ANTXR1: variants seen among roughly 807,000 people sequenced by gnomAD.
ANTXR1 encodes the protein ANTXR cell adhesion molecule 1, also known as anthrax toxin receptor 1.
ANTXR1 carries 19 observed loss-of-function variants against 78.1 expected under a neutral mutation model. The observed-to-expected ratio is 0.24, with a 90% CI of 0.17 to 0.36. The LOEUF (loss-of-function observed/expected upper bound fraction) is 0.36. Ranked by LOEUF, ANTXR1 falls within the 10% of genes least tolerant of loss-of-function variation. The probability of loss-of-function intolerance (pLI) is 1.00; values close to 1 mark genes in which losing one functional copy is unlikely to be tolerated. For synonymous variants in ANTXR1, 273 were observed against 260.5 expected, an observed-to-expected ratio of 1.05 and a Z score of -0.46; for missense variants, 518 against 718.6, an observed-to-expected ratio of 0.72 and a Z score of 3.19.
chr2:69,030,995 T>C (rs1267405895), intron 1 of ANTXR1, among the ~76,000 whole-genome samples: 1 of 152,214 alleles, frequency 6.6e-6, no homozygotes, highest in African/African-American at 2.4e-5. Flanking sequence ...TAAAATTTTA[T>C]TGTAGTACGG....
At position 69,013,377 on chromosome 2, in the gene ANTXR1, G is replaced by C; in HGVS notation, c.-123G>C. 2 of 1,357,518 alleles carry C rather than the reference G, an allele frequency of 1.5e-6. No homozygotes were observed. The highest frequency in any genetic ancestry group is 2.0e-6 in the Non-Finnish European group (2 of 980,258). 84.1% of individuals were successfully genotyped at this position (1,357,518 alleles called of 1,614,324 possible). ...CAGACAATTGCTTCCGGGGAGTTGC[G>C]AGGGAGCGAGGGGGAATAAAGGACC... On this transcript the variant is annotated 5_prime_UTR_variant, in exon 1 of 18. Transcript: ENST00000303714. The surrounding 1 kb of genome is among the most constrained non-coding windows in gnomAD (Gnocchi z 5.0).
chr2:69,103,012 C>T, intron 10 of ANTXR1, 72 bp downstream of exon 10: 5 of 1,391,526 alleles, frequency 3.6e-6, no homozygotes, highest in East Asian at 2.3e-5. Context: ...CCCTTGTCTT[C>T]CAGCAAGGCC....
intron 12 of ANTXR1, among the ~76,000 whole-genome samples, chr2:69,140,485 G>T (rs887235968): frequency 6.6e-6 from 1 of 152,070 alleles, no homozygotes; most frequent in Non-Finnish European, 1.5e-5. Context: ...GGGGATTAGG[G>T]GAATATCATC....
Position 69,124,624 on chromosome 2 carries a change from T to G in ANTXR1, c.932T>G (p.Ile311Ser). The change falls in exon 12 of 18, where the codon ATC (isoleucine) becomes AGC (serine). Residue 311 changes from isoleucine to serine, a missense_variant. Coordinates refer to ENST00000303714, the MANE Select transcript of ANTXR1 (RefSeq NM_032208.3). Reference sequence around the variant, plus strand: ...CTCTCTTTTATCTCCAGTTCTGTCATCATCACCACCACACACTGTGTAAGT... The same window carrying G: ...CTCTCTTTTATCTCCAGTTCTGTCAGCATCACCACCACACACTGTGTAAGT... Reference protein sequence around the residue: ...DGLSFISSSVIITTTHCSDGS... With the variant: ...DGLSFISSSVSITTTHCSDGS... The G allele has an allele frequency of 6.2e-7, 1 of 1,614,252 alleles. No individual in the cohort carries two copies. Among genetic ancestry groups the G allele is most frequent in the Non-Finnish European group, 8.5e-7 (1 of 1,180,042 alleles).
At chr2:69,076,536 A>G (rs1670737558) in intron 7 of ANTXR1, among the ~76,000 whole-genome samples, 1 of 152,232 alleles carries the variant, frequency 6.6e-6, no homozygotes, top group South Asian at 2.1e-4. Context: ...AAGTGAATAA[A>G]ACAAAATTAC....
chr2:69,103,253 C>CTGGTTTCCTTG, intron 10 of ANTXR1: 1 of 412,530 alleles, frequency 2.4e-6, no homozygotes, highest in Non-Finnish European at 4.6e-6. Context: ...CAGCGGGGCA[C>CTGGTTTCCTTG]TGGTTTCCTT....
chr2:69,161,315 T>C (rs544530539), intron 13 of ANTXR1, among the ~76,000 whole-genome samples: 5 of 152,282 alleles, frequency 3.3e-5, no homozygotes, highest in Non-Finnish European at 5.9e-5. Flanking sequence ...CAGTGATGAA[T>C]TGGGCCTTTT....
Position 69,073,133 on chromosome 2 carries a change from T to C in ANTXR1, c.492+32T>C, listed in dbSNP as rs772943487. 1.3e-4 allele frequency: 213 copies of C among 1,603,724 alleles called. 4 individuals carry two copies. The Admixed American group carries it at 3.3e-3, about 25-fold the overall frequency. On this transcript the variant is annotated intron_variant, in intron 6 of 17. Transcript: ENST00000303714. ...AACGGCCTGGCTGTGTCTAAACATA[T>C]ACATGGAACGGGGCTTCTCCTTTCT...
At chr2:69,024,938 C>T (rs1206181763) in intron 1 of ANTXR1, among the ~76,000 whole-genome samples, 1 of 152,162 alleles carries the variant, frequency 6.6e-6, no homozygotes, top group Non-Finnish European at 1.5e-5. Context: ...TTAGACATTT[C>T]CGAAGCTCTT....
chr2:69,103,562 A>C (rs575852466), intron 10 of ANTXR1: 49 of 158,396 alleles, frequency 3.1e-4, no homozygotes, highest in African/African-American at 1.1e-3. Flanking sequence ...AACTAAGTGC[A>C]TTTCATGAGA....
At chr2:69,225,569 G>A (rs1675425617) in intron 17 of ANTXR1, among the ~76,000 whole-genome samples, 1 of 152,176 alleles carries the variant, frequency 6.6e-6, no homozygotes, top group Non-Finnish European at 1.5e-5. Flanking sequence ...GTAGGAAGAA[G>A]ACACCTCAAG....
intron 12 of ANTXR1, among the ~76,000 whole-genome samples, chr2:69,133,048 G>A (rs946670287): frequency 6.6e-6 from 1 of 152,178 alleles, no homozygotes; most frequent in Non-Finnish European, 1.5e-5. Context: ...ACGCTCTGAG[G>A]AGTGTCCACT....
chr2:69,184,094 C>T (rs746816976), intron 16 of ANTXR1, among the ~76,000 whole-genome samples: 6 of 151,992 alleles, frequency 3.9e-5, no homozygotes, highest in African/African-American at 7.3e-5. Context: ...GCCTTACCCC[C>T]CTTCCAATAG....
At position 69,166,646 on chromosome 2, in the gene ANTXR1, A is replaced by C. The variant is rs1216693337; in HGVS notation, c.1048-3602A>C. On this transcript the variant is annotated intron_variant, in intron 13 of 17. Transcript: ENST00000303714. ...GTTCTTCCATGTTATGCTTATGTTT[A>C]TTATTTTCCATTAAAATATTTTATT... 2.0e-5 allele frequency among the ~76,000 whole-genome samples: 3 copies of C among 152,170 alleles called. No homozygotes were observed. The East Asian group carries it at 5.8e-4, about 29-fold the overall frequency.
At chr2:69,086,873 T>C (rs1342649409) in intron 8 of ANTXR1, among the ~76,000 whole-genome samples, 1 of 152,236 alleles carries the variant, frequency 6.6e-6, no homozygotes, top group Non-Finnish European at 1.5e-5. Flanking sequence ...TTTCTGTGGA[T>C]CGATCACATC....
chr2:69,235,743 T>A (rs939923634), intron 17 of ANTXR1, among the ~76,000 whole-genome samples: 11 of 101,978 alleles, frequency 1.1e-4, no homozygotes, highest in East Asian at 2.7e-4. Context: ...CATCAAAAAA[T>A]ACCATCAGTA....
intron 13 of ANTXR1, among the ~76,000 whole-genome samples, chr2:69,165,412 G>A (rs749775120): frequency 2.0e-5 from 3 of 152,202 alleles, no homozygotes; most frequent in African/African-American, 7.2e-5. Context: ...GGCCAAAAAC[G>A]AGTCCCCTGT....
chr2:69,236,888 C>T (rs1327179000), intron 17 of ANTXR1, among the ~76,000 whole-genome samples: 1 of 152,156 alleles, frequency 6.6e-6, no homozygotes, highest in Non-Finnish European at 1.5e-5. Context: ...GTAAATAAAT[C>T]CACCACTGGG....
chr2:69,237,114 T>C (rs1225612227), intron 17 of ANTXR1, among the ~76,000 whole-genome samples: 1 of 152,204 alleles, frequency 6.6e-6, no homozygotes, highest in Admixed American at 6.5e-5. Flanking sequence ...ACTAAAGAGA[T>C]GCCATTTTTA....
Sources: gnomAD v4.1 joint callset for allele counts (sites outside exome capture counted in the v4.1 genomes callset) on GRCh38, gnomAD v4.1.1 for gene constraint, Gnocchi (gnomAD v3.1) non-coding constraint, MANE v1.5 for transcripts, NCBI Gene and HGNC (gene_info 2026-07-23, HGNC 2026-07-21) for gene names.